The following APBB2 variants were observed in gnomAD, a reference collection of about 807,000 sequenced individuals.
The protein encoded by APBB2 is Fe65-like 1.
A neutral mutation model predicts 82.5 loss-of-function variants in APBB2; 38 were observed. That is an observed-to-expected ratio of 0.46 (90% CI 0.36 to 0.60). APBB2 has a LOEUF of 0.60. Ranked by LOEUF, APBB2 falls within the 20% of genes least tolerant of loss-of-function variation. The probability of loss-of-function intolerance (pLI) is 0.00; values close to 1 mark genes in which losing one functional copy is unlikely to be tolerated. For synonymous variants in APBB2, 341 were observed against 368.2 expected (o/e 0.93, Z 0.85); for missense variants, 772 against 972.3 (o/e 0.79, Z 2.74).
At chr4:41,131,216 C>T (rs1283284675) in intron 2 of APBB2, among the ~76,000 whole-genome samples, 1 of 152,106 alleles carries the variant, frequency 6.6e-6, no homozygotes, top group East Asian at 1.9e-4. Context: ...GTAGCTGTGC[C>T]CTTTTTCTCC....
At position 41,041,488 on chromosome 4, in the gene APBB2, G is replaced by T. The variant is rs142187578; in HGVS notation, c.-50-8184C>A. On this transcript the variant is annotated intron_variant, in intron 4 of 17. Transcript: ENST00000508593. The stretch of plus-strand genomic sequence containing the variant: ...TAAACTTGAATTTCTTACATTTTTG[G>T]AACATTAACCGTTACTGGTAATAAT... 1.2e-3 allele frequency among the ~76,000 whole-genome samples: 186 copies of T among 152,200 alleles called. 1 individual carries two copies. Among genetic ancestry groups the T allele is most frequent in the African/African-American group, 4.4e-3 (182 of 41,522 alleles).
At chr4:40,974,118 C>T (rs1378339609) in intron 6 of APBB2, among the ~76,000 whole-genome samples, 1 of 152,084 alleles carries the variant, frequency 6.6e-6, no homozygotes, top group Non-Finnish European at 1.5e-5. Flanking sequence ...TCCAAAAGTG[C>T]TGGGATTACA....
At chr4:41,102,741 TG>T (rs1745921495) in intron 2 of APBB2, among the ~76,000 whole-genome samples, 1 of 152,232 alleles carries the variant, frequency 6.6e-6, no homozygotes, top group Non-Finnish European at 1.5e-5. Context: ...AACTCCTAAG[TG>T]GCAACCCTTC....
At chr4:41,121,955 C>T (rs1250975776) in intron 2 of APBB2, among the ~76,000 whole-genome samples, 1 of 151,952 alleles carries the variant, frequency 6.6e-6, no homozygotes. Flanking sequence ...GAAACAGTGT[C>T]TCACACTGTC....
At chr4:41,123,963 T>C (rs546453906) in intron 2 of APBB2, among the ~76,000 whole-genome samples, 34 of 152,370 alleles carry the variant, frequency 2.2e-4, no homozygotes, top group African/African-American at 7.5e-4. Flanking sequence ...CTAGAGTCTC[T>C]GTGACAATAC....
In APBB2 at chr4:40,934,937, G is replaced by A. The variant is rs1785043627; in HGVS notation, c.1107+140C>T. On this transcript the variant is annotated intron_variant, in intron 8 of 17. Transcript: ENST00000508593. ...CACCAAAAAAAGGCAACAGGAGTGT[G>A]AGCTGAATGCCCCTAGCAAGAAGCC... The A allele has an allele frequency of 5.3e-6, 4 of 751,058 alleles. No individual in the cohort carries two copies. The South Asian group carries it at 5.6e-5, about 10-fold the overall frequency. The allele number at this position is 751,058 out of a possible 1,614,324, so 46.5% of individuals were successfully genotyped here.
chr4:40,853,472 A>C, intron 12 of APBB2, among the ~76,000 whole-genome samples: 1 of 147,572 alleles, frequency 6.8e-6, no homozygotes, highest in African/African-American at 2.5e-5. Context: ...TTTTTTTGCG[A>C]TGGAGTTTCG....
At chr4:41,073,983 G>A (rs564023268) in intron 3 of APBB2, among the ~76,000 whole-genome samples, 4 of 152,232 alleles carry the variant, frequency 2.6e-5, no homozygotes, top group African/African-American at 7.2e-5. Context: ...CTAGCAAGTC[G>A]GGTGTGATGA....
chr4:41,062,509 C>T (rs1579681381), intron 4 of APBB2, among the ~76,000 whole-genome samples: 1 of 151,812 alleles, frequency 6.6e-6, no homozygotes, highest in African/African-American at 2.4e-5. Flanking sequence ...CAAAGGAGTA[C>T]GCAGAAGGGA....
At chr4:40,999,881 A>T (rs11930420) in intron 6 of APBB2, among the ~76,000 whole-genome samples, 6,351 of 152,102 alleles carry the variant, frequency 0.042, 270 homozygotes, top group African/African-American at 0.11. Context: ...ACCTATTGTA[A>T]GAACTTATTT....
chr4:40,904,002 C>A (rs1417770534), intron 10 of APBB2, among the ~76,000 whole-genome samples: 1 of 152,130 alleles, frequency 6.6e-6, no homozygotes, highest in East Asian at 1.9e-4. Flanking sequence ...TTTGATAGCG[C>A]ATGTTTTGTG....
Position 40,826,926 on chromosome 4 carries a change from A to G in APBB2, c.1732+206T>C. 2.0e-6 allele frequency: 1 copy of G among 505,892 alleles called. No homozygotes were observed. Among genetic ancestry groups the G allele is most frequent in the Non-Finnish European group, 3.5e-6 (1 of 284,708 alleles). 31.3% of individuals were successfully genotyped at this position (505,892 alleles called of 1,614,324 possible). A position where few individuals can be genotyped will look rare whatever the true frequency, so the allele number is the denominator to read the frequency against. ...TTTAATCTTGTCCAATAACAACAAA[A>G]CTCATCCTGGCTTTATGCCTAACCC... On this transcript the variant is annotated intron_variant, in intron 14 of 17. Coordinates refer to ENST00000508593, the MANE Select transcript of APBB2 (RefSeq NM_004307.2). The surrounding 1 kb of genome is among the most constrained non-coding windows in gnomAD (Gnocchi z 4.5).
chr4:41,152,448 G>T (rs980228549), intron 1 of APBB2, among the ~76,000 whole-genome samples: 3 of 151,534 alleles, frequency 2.0e-5, no homozygotes, highest in African/African-American at 7.3e-5. Flanking sequence ...TCAGCCTCCC[G>T]AGTAGCTGGG....
chr4:41,066,069 A>C (rs1731679661), intron 3 of APBB2, among the ~76,000 whole-genome samples: 1 of 147,180 alleles, frequency 6.8e-6, no homozygotes. Context: ...ATCCTATAAA[A>C]CTTTAAAAGC....
At chr4:41,162,022 T>C (rs1765294870) in intron 1 of APBB2, among the ~76,000 whole-genome samples, 1 of 152,152 alleles carries the variant, frequency 6.6e-6, no homozygotes, top group South Asian at 2.1e-4. Context: ...TGCTTTGAAG[T>C]AAATTCCAGG....
intron 6 of APBB2, among the ~76,000 whole-genome samples, chr4:40,956,580 C>T (rs1163045359): frequency 6.6e-6 from 1 of 151,718 alleles, no homozygotes; most frequent in Non-Finnish European, 1.5e-5. Context: ...TTCAATTGAA[C>T]TTCCCTGTGG....
intron 10 of APBB2, among the ~76,000 whole-genome samples, chr4:40,930,627 T>C (rs963420038): frequency 3.3e-5 from 5 of 152,140 alleles, no homozygotes; most frequent in African/African-American, 1.2e-4. Context: ...ATAATTTTTA[T>C]TTTTTTCAGC....
At chr4:40,868,731 T>C (rs940514745) in intron 12 of APBB2, among the ~76,000 whole-genome samples, 9 of 152,238 alleles carry the variant, frequency 5.9e-5, no homozygotes, top group Admixed American at 5.9e-4. Flanking sequence ...ACAAAGGAAC[T>C]AAATTACTTA....
chr4:41,206,348 A>G (rs981230473), intron 1 of APBB2, among the ~76,000 whole-genome samples: 16 of 152,216 alleles, frequency 1.1e-4, no homozygotes, highest in African/African-American at 3.9e-4. Context: ...CCTCTACTGC[A>G]GCACCCTATA....
Sources: allele counts gnomAD v4.1 joint callset (sites outside exome capture counted in the v4.1 genomes callset), GRCh38; gene constraint gnomAD v4.1.1; non-coding constraint Gnocchi (gnomAD v3.1); transcripts MANE v1.5; gene names NCBI Gene and HGNC (gene_info 2026-07-23, HGNC 2026-07-21).